The following CLVS2 variants were observed in gnomAD, a reference collection of about 807,000 sequenced individuals.
The protein encoded by CLVS2 is clavesin-2.
A neutral mutation model predicts 29.0 loss-of-function variants in CLVS2; 19 were observed. The ratio of observed to expected loss-of-function variants is 0.66; its 90% CI spans 0.46 to 0.96. The LOEUF (loss-of-function observed/expected upper bound fraction) is 0.96. CLVS2 is among the 40% of genes least tolerant of loss of function. The pLI is 0.00. For missense variants in CLVS2, 294 were observed against 404.1 expected (o/e 0.73, Z 2.34); for synonymous variants, 161 against 151.3 (o/e 1.06, Z -0.47).
chr6:123,029,230 T>A (rs1775047657), intron 3 of CLVS2, among the ~76,000 whole-genome samples: 1 of 152,204 alleles, frequency 6.6e-6, no homozygotes, highest in Admixed American at 6.5e-5. Flanking sequence ...TCACTCCACT[T>A]GTGTTTTGAT....
chr6:123,052,153 G>T (rs1562174251), intron 4 of CLVS2, among the ~76,000 whole-genome samples: 2 of 152,202 alleles, frequency 1.3e-5, no homozygotes. Context: ...GTTGGGAGGT[G>T]CTGTCAAGAA....
intron 3 of CLVS2, among the ~76,000 whole-genome samples, chr6:123,040,734 C>A (rs1241831631): frequency 6.8e-6 from 1 of 146,396 alleles, no homozygotes; most frequent in Non-Finnish European, 1.5e-5. Context: ...CGCCATTGCA[C>A]TCCAGCCTGG....
At chr6:123,051,891 G>T (rs1289383131) in intron 4 of CLVS2, among the ~76,000 whole-genome samples, 1 of 152,102 alleles carries the variant, frequency 6.6e-6, no homozygotes, top group Non-Finnish European at 1.5e-5. Flanking sequence ...AATAAATGAT[G>T]TTATTACACA....
intron 5 of CLVS2, among the ~76,000 whole-genome samples, chr6:123,059,694 T>C (rs1298366396): frequency 6.6e-6 from 1 of 152,202 alleles, no homozygotes; most frequent in African/African-American, 2.4e-5. Flanking sequence ...TTCCTAAAAC[T>C]GGAAAGTCTC....
intron 3 of CLVS2, among the ~76,000 whole-genome samples, chr6:123,013,711 C>A (rs1314611685): frequency 6.6e-6 from 1 of 151,378 alleles, no homozygotes; most frequent in Non-Finnish European, 1.5e-5. Context: ...GCACATTGTG[C>A]AGGTTAGTTA....
chr6:123,055,381 T>A (rs1208124009), intron 4 of CLVS2, among the ~76,000 whole-genome samples: 1 of 152,226 alleles, frequency 6.6e-6, no homozygotes, highest in Non-Finnish European at 1.5e-5. Context: ...ATAACTTGCA[T>A]AGGCTCTGTA....
chr6:123,033,431 GAGAA>G (rs1775110011), intron 3 of CLVS2, among the ~76,000 whole-genome samples: 1 of 151,980 alleles, frequency 6.6e-6, no homozygotes, highest in Non-Finnish European at 1.5e-5. Context: ...ACTGATAATT[GAGAA>G]AAGTGCAAAA....
chr6:123,014,791 T>C (rs1156402969), intron 3 of CLVS2, among the ~76,000 whole-genome samples: 1 of 152,092 alleles, frequency 6.6e-6, no homozygotes, highest in Non-Finnish European at 1.5e-5. Flanking sequence ...TAGTATTCTT[T>C]TGGTGCTCAG....
At chr6:123,055,242 C>T (rs544643220) in intron 4 of CLVS2, among the ~76,000 whole-genome samples, 16 of 152,218 alleles carry the variant, frequency 1.1e-4, no homozygotes, top group East Asian at 7.7e-4. Context: ...TTCATTATGA[C>T]GATGCTAATC....
chr6:123,018,236 C>A (rs1040220561), intron 3 of CLVS2, among the ~76,000 whole-genome samples: 1 of 151,980 alleles, frequency 6.6e-6, no homozygotes, highest in Non-Finnish European at 1.5e-5. Context: ...TGAGTGAATG[C>A]AGGCCCTCTC....
intron 2 of CLVS2, among the ~76,000 whole-genome samples, chr6:123,010,145 A>G (rs983241344): frequency 2.0e-5 from 3 of 152,024 alleles, no homozygotes; most frequent in Admixed American, 6.6e-5. Context: ...CAGTCCTCAC[A>G]TTGTCACAGT....
intron 3 of CLVS2, among the ~76,000 whole-genome samples, chr6:123,034,630 A>G (rs1418385554): frequency 3.9e-5 from 6 of 152,142 alleles, no homozygotes; most frequent in Non-Finnish European, 5.9e-5. Flanking sequence ...GTGATAGAAC[A>G]TTTCTGTATC....
At chr6:123,002,813 C>T (rs1165446237) in intron 2 of CLVS2, among the ~76,000 whole-genome samples, 1 of 152,128 alleles carries the variant, frequency 6.6e-6, no homozygotes, top group East Asian at 1.9e-4. Flanking sequence ...TACCTACTGG[C>T]AGAGTCTGGA....
In CLVS2 at chr6:123,066,851, T is replaced by C. The variant is rs1772869699; in HGVS notation, c.*3090T>C. The C allele has an allele frequency of 6.6e-6, 1 of 151,576 alleles. No individual in the cohort carries two copies. The highest frequency in any genetic ancestry group is 2.4e-5 in the African/African-American group (1 of 41,314). The allele number at this position is 151,576 out of a possible 1,614,324, so 9.4% of individuals were successfully genotyped here. On this transcript the variant is annotated 3_prime_UTR_variant, in exon 6 of 6. Coordinates refer to ENST00000275162, the MANE Select transcript of CLVS2 (RefSeq NM_001010852.4). ...AATATAGATATCATTTGAAGAAGGA[T>C]ATTTAAGGCCTTTATTTGAACATAC...
At chr6:123,061,173 C>A (rs979249698) in intron 5 of CLVS2, among the ~76,000 whole-genome samples, 1 of 152,166 alleles carries the variant, frequency 6.6e-6, no homozygotes, top group African/African-American at 2.4e-5. Flanking sequence ...TGGTGGTGCA[C>A]GCTTGTAATC....
chr6:123,005,611 A>G (rs4520032), intron 2 of CLVS2, among the ~76,000 whole-genome samples: 111,273 of 152,068 alleles, frequency 0.73, 41,183 homozygotes, highest in East Asian at 0.91. Flanking sequence ...ACTGAAAGCT[A>G]TGGTAGAGGA....
At chr6:123,006,186 T>G (rs1396850134) in intron 2 of CLVS2, among the ~76,000 whole-genome samples, 1 of 152,054 alleles carries the variant, frequency 6.6e-6, no homozygotes, top group Non-Finnish European at 1.5e-5. Context: ...AGGGCAGAAC[T>G]TAGGTGAGGT....
chr6:122,997,969 T>A lies in CLVS2; in HGVS notation c.192T>A (p.His64Gln). 6.2e-7 allele frequency: 1 copy of A among 1,614,090 alleles called. No individual in the cohort carries two copies. Among genetic ancestry groups the A allele is most frequent in the Non-Finnish European group, 8.5e-7 (1 of 1,179,982 alleles). ...GCTTCTTGCGGGCTAGGAAGTTTCA[T>A]CACTTTGAGGCCTTCCGCCTCCTGG... ...ILRFLRARKF[H>Q]HFEAFRLLAQ... Residue 64 changes from histidine to glutamine, a missense_variant, in exon 2 of 6, where the codon CAT (histidine) becomes CAA (glutamine). By Grantham distance (24) the His-to-Gln change is conservative. Transcript: ENST00000275162.
chr6:123,047,535 T>A (rs547298607), intron 3 of CLVS2, among the ~76,000 whole-genome samples: 232 of 152,304 alleles, frequency 1.5e-3, no homozygotes, highest in African/African-American at 5.1e-3. Context: ...CTACTGCTCG[T>A]AAGTGTCCAA....
Sources: allele counts gnomAD v4.1 joint callset (sites outside exome capture counted in the v4.1 genomes callset), GRCh38; gene constraint gnomAD v4.1.1; transcripts MANE v1.5; gene names NCBI Gene and HGNC (gene_info 2026-07-23, HGNC 2026-07-21).